PDE8A: variants seen among roughly 807,000 people sequenced by gnomAD.
PDE8A encodes the protein phosphodiesterase 8A.
Under a neutral mutation model 105.0 loss-of-function variants are expected in PDE8A, and 59 were observed. The ratio of observed to expected loss-of-function variants is 0.56; its 90% CI spans 0.46 to 0.70. The LOEUF (loss-of-function observed/expected upper bound fraction) is 0.70. Ranked by LOEUF, PDE8A falls within the 30% of genes least tolerant of loss-of-function variation. PDE8A has a pLI of 0.00. For synonymous variants in PDE8A, 355 were observed against 371.9 expected, an observed-to-expected ratio of 0.95 and a Z score of 0.52; for missense variants, 1,014 against 1,045.9, an observed-to-expected ratio of 0.97 and a Z score of 0.42.
At chr15:85,029,282 T>C (rs1001154359) in intron 1 of PDE8A, among the ~76,000 whole-genome samples, 8 of 152,200 alleles carry the variant, frequency 5.3e-5, no homozygotes, top group Admixed American at 4.6e-4. Flanking sequence ...CAACTTATTG[T>C]TAAAATATAT....
intron 1 of PDE8A, among the ~76,000 whole-genome samples, chr15:85,061,592 G>A (rs963967365): frequency 2.6e-5 from 4 of 152,098 alleles, no homozygotes; most frequent in African/African-American, 9.7e-5. Context: ...ATTATAATGT[G>A]TCTTGATATG....
intron 1 of PDE8A, among the ~76,000 whole-genome samples, chr15:85,008,686 A>G (rs1596436662): frequency 6.6e-6 from 1 of 152,106 alleles, no homozygotes; most frequent in Non-Finnish European, 1.5e-5. Context: ...CCAGGCCCCA[A>G]GGGTGCGAGC....
At chr15:85,042,079 T>TC (rs1369727091) in intron 1 of PDE8A, among the ~76,000 whole-genome samples, 1 of 151,816 alleles carries the variant, frequency 6.6e-6, no homozygotes, top group Non-Finnish European at 1.5e-5. Flanking sequence ...GAAACCAATT[T>TC]TTTTTTTTTA....
At chr15:85,123,424 A>G (rs1473220250) in intron 19 of PDE8A, among the ~76,000 whole-genome samples, 5 of 151,254 alleles carry the variant, frequency 3.3e-5, no homozygotes, top group Admixed American at 3.3e-4. Context: ...CACGATCACA[A>G]GGTCCCACAA....
At position 85,137,979 on chromosome 15, in the gene PDE8A, T is replaced by C. The variant is rs537214395; in HGVS notation, c.*76T>C. ...ATTCCTGAGGGCAGCCAGAGCTCCT[T>C]GGTCCTTTCAGTACTAGGCAGAACA... On this transcript the variant is annotated 3_prime_UTR_variant, in exon 22 of 22. Transcript: ENST00000394553. 3.3e-6 allele frequency: 3 copies of C among 913,276 alleles called. No individual in the cohort carries two copies. Among genetic ancestry groups the C allele is most frequent in the Non-Finnish European group, 5.4e-6 (3 of 560,138 alleles). The allele number at this position is 913,276 out of a possible 1,614,324, so 56.6% of individuals were successfully genotyped here.
At chr15:85,067,491 A>G (rs1488583285) in intron 3 of PDE8A, among the ~76,000 whole-genome samples, 1 of 152,214 alleles carries the variant, frequency 6.6e-6, no homozygotes, top group Admixed American at 6.5e-5. Context: ...ATATTAGTGC[A>G]GTAAGAATTA....
At chr15:85,082,940 T>C (rs2081490564) in intron 5 of PDE8A, among the ~76,000 whole-genome samples, 1 of 152,252 alleles carries the variant, frequency 6.6e-6, no homozygotes, top group Non-Finnish European at 1.5e-5. Flanking sequence ...TACAAAATAC[T>C]TAATGTCCAC....
chr15:85,079,218 G>A (rs2081427578), intron 5 of PDE8A, among the ~76,000 whole-genome samples: 2 of 152,148 alleles, frequency 1.3e-5, no homozygotes, highest in Non-Finnish European at 2.9e-5. Context: ...ACTCAAAGAG[G>A]AATTTTAATA....
At chr15:85,084,251 C>G (rs1012344249) in intron 6 of PDE8A, among the ~76,000 whole-genome samples, 2 of 152,124 alleles carry the variant, frequency 1.3e-5, no homozygotes, top group Non-Finnish European at 2.9e-5. Context: ...AGAATTGGAT[C>G]ATTTCATTTG....
intron 1 of PDE8A, among the ~76,000 whole-genome samples, chr15:85,041,835 C>T (rs549788900): frequency 1.1e-4 from 16 of 152,156 alleles, no homozygotes; most frequent in Non-Finnish European, 2.2e-4. Context: ...CCTAATGTCC[C>T]CCATCCTTGA....
At chr15:85,077,076 G>T (rs1004426996) in intron 5 of PDE8A, among the ~76,000 whole-genome samples, 1 of 152,056 alleles carries the variant, frequency 6.6e-6, no homozygotes, top group African/African-American at 2.4e-5. Context: ...TTTATAATCT[G>T]CTAATCTAAT....
At chr15:85,081,729 A>G (rs1198842159) in intron 5 of PDE8A, among the ~76,000 whole-genome samples, 4 of 152,138 alleles carry the variant, frequency 2.6e-5, no homozygotes, top group Non-Finnish European at 5.9e-5. Flanking sequence ...GATAAAGAGA[A>G]CAGTGTTTAA....
chr15:85,003,185 G>T (rs1177483720), intron 1 of PDE8A, among the ~76,000 whole-genome samples: 1 of 152,122 alleles, frequency 6.6e-6, no homozygotes, highest in Non-Finnish European at 1.5e-5. Flanking sequence ...AAGGACATGG[G>T]TATGCTGGCC....
intron 6 of PDE8A, among the ~76,000 whole-genome samples, chr15:85,085,703 A>ATT (rs377361939): frequency 2.9e-3 from 421 of 146,376 alleles, no homozygotes; most frequent in African/African-American, 0.01. Flanking sequence ...ACTTGGATAT[A>ATT]TTTAAGAATT....
chr15:85,077,658 AG>A (rs750224644), intron 5 of PDE8A, among the ~76,000 whole-genome samples: 1 of 152,308 alleles, frequency 6.6e-6, no homozygotes, highest in Admixed American at 6.5e-5. Context: ...AGGAAAAACT[AG>A]GAGGGAAAAA....
At chr15:85,000,636 C>T (rs2080052153) in intron 1 of PDE8A, among the ~76,000 whole-genome samples, 1 of 152,164 alleles carries the variant, frequency 6.6e-6, no homozygotes, top group South Asian at 2.1e-4. Context: ...AGAAGTGTAC[C>T]TGTCCCATAG....
chr15:85,136,393 G>T, intron 20 of PDE8A, 141 bp from the exon 21 acceptor site: 1 of 757,084 alleles, frequency 1.3e-6, no homozygotes, highest in South Asian at 1.7e-5. Flanking sequence ...ACATGGTTTG[G>T]CTGCGTGAGG....
At chr15:84,981,615 G>T (rs930937434), upstream of PDE8A, among the ~76,000 whole-genome samples, 8 of 152,126 alleles carry the variant, frequency 5.3e-5, no homozygotes, top group African/African-American at 1.2e-4. Context: ...GGCCTGGGGG[G>T]GCTTTTCCGC....
intron 1 of PDE8A, among the ~76,000 whole-genome samples, chr15:84,982,664 A>G (rs1246416891): frequency 6.6e-6 from 1 of 152,102 alleles, no homozygotes; most frequent in Non-Finnish European, 1.5e-5. Flanking sequence ...GCTTGCATCA[A>G]TTTCCTCTCC....
Sources: allele counts gnomAD v4.1 joint callset (sites outside exome capture counted in the v4.1 genomes callset), GRCh38; gene constraint gnomAD v4.1.1; transcripts MANE v1.5; gene names NCBI Gene and HGNC (gene_info 2026-07-23, HGNC 2026-07-21).